Variants in MAP3K15 observed in about 807,000 individuals in gnomAD.
MAP3K15 encodes mitogen-activated protein kinase kinase kinase 15, also known as MAPK/ERK kinase kinase 15.
In MAP3K15, 124 loss-of-function variants were observed where a neutral mutation model predicts 99.5. The ratio of observed to expected loss-of-function variants is 1.25; its 90% confidence interval spans 1.08 to 1.45. The LOEUF (loss-of-function observed/expected upper bound fraction) is 1.45, where lower values mean the gene tolerates loss of function less well. MAP3K15 is among the 40% of genes most tolerant of loss of function. The probability of loss-of-function intolerance (pLI) is 0.00; values close to 1 mark genes in which losing one functional copy is unlikely to be tolerated. For synonymous variants in MAP3K15, 494 were observed against 439.6 expected, an observed-to-expected ratio of 1.12 and a Z score of -1.55; for missense variants, 1,242 against 1,079.7, an observed-to-expected ratio of 1.15 and a Z score of -2.11.
intron 18 of MAP3K15, among the ~76,000 whole-genome samples, chrX:19,386,985 T>C (rs767361428): frequency 2.7e-5 from 3 of 111,743 alleles, no homozygotes; most frequent in African/African-American, 9.7e-5. Flanking sequence ...CCCTTGGAGA[T>C]ACCGTTAGAG....
chrX:19,465,611 G>A (rs750967630), intron 3 of MAP3K15, among the ~76,000 whole-genome samples: 8 of 108,487 alleles, frequency 7.4e-5, no homozygotes, highest in South Asian at 4.1e-4. Context: ...AAAATTAACC[G>A]GGTGTGGTAG....
At chrX:19,460,770 T>G (rs1427572878) in intron 4 of MAP3K15, among the ~76,000 whole-genome samples, 1 of 109,872 alleles carries the variant, frequency 9.1e-6, no homozygotes, top group African/African-American at 3.3e-5. Flanking sequence ...TGTTTTTTTT[T>G]TTTTATTTTT....
chrX:19,464,098 G>T, intron 4 of MAP3K15, 115 bp downstream of exon 4: 1 of 602,353 alleles, frequency 1.7e-6, no homozygotes, highest in South Asian at 3.6e-5. Flanking sequence ...AGCCAGTAAG[G>T]GACAATAGTG....
intron 9 of MAP3K15, among the ~76,000 whole-genome samples, chrX:19,423,082 T>C (rs777898610): frequency 2.5e-4 from 27 of 109,905 alleles, no homozygotes; most frequent in African/African-American, 8.6e-4. Context: ...TGTTAAATGA[T>C]GAGTTAATGG....
At position 19,360,757 on chromosome X, in the gene MAP3K15, T is replaced by C; in HGVS notation, c.3934A>G (p.Lys1312Glu). 1 of 1,207,205 alleles carries C rather than the reference T, an allele frequency of 8.3e-7. No individual in the cohort carries two copies. Among genetic ancestry groups the C allele is most frequent in the Non-Finnish European group, 1.1e-6 (1 of 892,347 alleles). The change falls in exon 29 of 29, where the codon AAG becomes GAG. Residue 1312 changes from lysine to glutamate, a missense_variant. Transcript: ENST00000338883. ...AGCTTAGCTGATTGGTATCAAGCCT[T>C]GTCTTTGGTTTCTGAGGCCTCCTGA... ...RAQEASETKD[K>E]A
rs1320327039 is a variant in MAP3K15, at chrX:19,377,541, C to CA, written c.2589+2578dup. 4.6e-3 allele frequency among the ~76,000 whole-genome samples: 459 copies of CA among 99,796 alleles called. 5 individuals are homozygous for CA. The highest frequency in any genetic ancestry group is 0.037 in the East Asian group (119 of 3,197). The allele number at this position is 99,796 out of a possible 115,157, so 86.7% of individuals were successfully genotyped here. On this transcript the variant is annotated intron_variant, in intron 19 of 28. Coordinates refer to ENST00000338883, the MANE Select transcript of MAP3K15 (RefSeq NM_001001671.4). ...TCTGGGCGACAGAGTGAGACTCTGT[C>CA]AAAAAAAAAAAGAGAGACTTTGTAC...
chrX:19,423,311 G>A (rs1446202026), intron 9 of MAP3K15, among the ~76,000 whole-genome samples: 2 of 109,474 alleles, frequency 1.8e-5, no homozygotes, highest in Non-Finnish European at 3.8e-5. Context: ...CCACCATCAC[G>A]CCTACCTCCC....
At chrX:19,508,467 C>A (rs1051738213) in intron 1 of MAP3K15, among the ~76,000 whole-genome samples, 1 of 112,532 alleles carries the variant, frequency 8.9e-6, no homozygotes, top group Non-Finnish European at 1.9e-5. Flanking sequence ...CCACCGTGCC[C>A]GGCCTGGAGA....
chrX:19,500,203 C>T (rs549822974), intron 1 of MAP3K15, among the ~76,000 whole-genome samples: 6 of 111,513 alleles, frequency 5.4e-5, no homozygotes, highest in South Asian at 7.6e-4. Flanking sequence ...GCCGAGATCG[C>T]GCCACTGCAC....
chrX:19,447,341 A>G (rs1455482262), intron 6 of MAP3K15, among the ~76,000 whole-genome samples: 2 of 111,746 alleles, frequency 1.8e-5, no homozygotes, highest in Non-Finnish European at 3.8e-5. Context: ...CCTACAACAC[A>G]AAGTCCTTTC....
chrX:19,436,813 G>T (rs1172285680), intron 6 of MAP3K15, among the ~76,000 whole-genome samples: 1 of 111,404 alleles, frequency 9.0e-6, no homozygotes, highest in Non-Finnish European at 1.9e-5. Flanking sequence ...AAGTAGCTGG[G>T]ATTACAGGCG....
At position 19,374,623 on chromosome X, in the gene MAP3K15, G is replaced by T; in HGVS notation, c.2627C>A (p.Ala876Asp). 8.3e-7 allele frequency: 1 copy of T among 1,211,402 alleles called. No individual in the cohort carries two copies. The highest frequency in any genetic ancestry group is 1.1e-6 in the Non-Finnish European group (1 of 895,332). The change falls in exon 20 of 29, where the codon GCC becomes GAC. Residue 876 changes from alanine (A) to aspartate (D), a missense_variant. Ala to Asp is a moderately radical substitution (Grantham distance 126, BLOSUM62 -2). Transcript: ENST00000338883. ...MFKIHPEIPE[A>D]LSAEARAFIL... is the part of the protein sequence containing the mutation. The stretch of plus-strand genomic sequence containing the variant: ...GAAGGCTCGGGCTTCAGCTGAAAGG[G>T]CTTCTGGAATCTCAGGGTGGATCTT...
chrX:19,361,546 C>CT lies in MAP3K15; in HGVS notation c.3726dup (p.Glu1243ArgfsTer12), dbSNP rs1569196783. On this transcript the variant is annotated frameshift_variant, in exon 27 of 29. Transcript: ENST00000338883. LOFTEE classifies it high-confidence loss of function. ...TGCAGCCGCAACCAGTCTATAAGCT[C>CT]TTTATCTGTTCTCTGCCCGTAGGGG... 8 of 1,210,442 alleles carry CT rather than the reference C, an allele frequency of 6.6e-6. No individual in the cohort carries two copies. Among genetic ancestry groups the CT allele is most frequent in the Middle Eastern group, 2.3e-4 (1 of 4,374 alleles).
At chrX:19,459,323 G>A (rs2064115112) in intron 5 of MAP3K15, among the ~76,000 whole-genome samples, 1 of 111,986 alleles carries the variant, frequency 8.9e-6, no homozygotes, top group African/African-American at 3.2e-5. Flanking sequence ...ACATAGGGTT[G>A]TTAAGAGGAT....
At chrX:19,368,907 G>C in intron 25 of MAP3K15, 147 bp downstream of exon 25, 1 of 427,312 alleles carries the variant, frequency 2.3e-6, no homozygotes, top group Non-Finnish European at 3.5e-6. Context: ...GAGAATATGC[G>C]CCCTTGCCTA....
Position 19,360,497 on chromosome X carries a change from A to G in MAP3K15, c.*252T>C, listed in dbSNP as rs1042453. On this transcript the variant is annotated 3_prime_UTR_variant, in exon 29 of 29. Transcript: ENST00000338883. ...AGCCTCCTGCATAGCTGGGACTACA[A>G]GTGAATTTCCTAATATTCCGGGAGG... The G allele has an allele frequency of 0.13, 36,231 of 282,893 alleles. 6,084 individuals are homozygous for G. Among genetic ancestry groups the G allele is most frequent in the African/African-American group, 0.65 (22,822 of 34,857 alleles). The allele number at this position is 282,893 out of a possible 1,213,427, so 23.3% of individuals were successfully genotyped here.
chrX:19,430,808 A>T (rs2063875265), intron 7 of MAP3K15, among the ~76,000 whole-genome samples: 1 of 110,350 alleles, frequency 9.1e-6, no homozygotes, highest in Admixed American at 9.7e-5. Flanking sequence ...CACTTTCTCC[A>T]GTTATCTGTG....
At chrX:19,489,101 T>C in intron 1 of MAP3K15, 134 bp from the exon 2 acceptor site, 4 of 606,951 alleles carry the variant, frequency 6.6e-6, no homozygotes, top group Middle Eastern at 1.1e-3. Flanking sequence ...TAAGGAATGA[T>C]TTGATTAAAA....
chrX:19,443,022 C>CTTTTTTTTTT lies in MAP3K15; in HGVS notation c.996-11424_996-11415dup. 1.2e-4 allele frequency among the ~76,000 whole-genome samples: 2 copies of CTTTTTTTTTT among 17,240 alleles called. 1 individual carries two copies. Among genetic ancestry groups the CTTTTTTTTTT allele is most frequent in the Non-Finnish European group, 1.8e-4 (2 of 11,291 alleles). 15.0% of individuals were successfully genotyped at this position (17,240 alleles called of 115,157 possible). A position where few individuals can be genotyped will look rare whatever the true frequency, so the allele number is the denominator to read the frequency against. On this transcript the variant is annotated intron_variant, in intron 6 of 28. Transcript: ENST00000338883. ...GACAGGCATGAGCCACCATGCCCGG[C>CTTTTTTTTTT]TTTTTTTTTTTTTTTTTTTTTTTTT...
Sources: gnomAD v4.1 joint callset for allele counts (sites outside exome capture counted in the v4.1 genomes callset) on GRCh38, gnomAD v4.1.1 for gene constraint, MANE v1.5 for transcripts, NCBI Gene and HGNC (gene_info 2026-07-23, HGNC 2026-07-21) for gene names.